RBFOX1: variants seen among roughly 807,000 people sequenced by gnomAD.
RBFOX1 encodes RNA binding fox-1 homolog 1.
Under a neutral mutation model 57.7 loss-of-function variants are expected in RBFOX1, and 8 were observed. The ratio of observed to expected loss-of-function variants is 0.14; its 90% CI spans 0.08 to 0.25. The LOEUF is 0.25. Among genes scored for constraint, RBFOX1 ranks in the 10% least tolerant of loss-of-function variants. The probability of loss-of-function intolerance (pLI) is 1.00; values close to 1 mark genes in which losing one functional copy is unlikely to be tolerated. For missense variants in RBFOX1, 611 were observed against 548.5 expected (o/e 1.11, Z -1.14); for synonymous variants, 326 against 222.4 (o/e 1.47, Z -4.15).
intron 3 of RBFOX1, among the ~76,000 whole-genome samples, chr16:6,807,377 T>C (rs772959289): frequency 6.6e-6 from 1 of 152,116 alleles, no homozygotes; most frequent in Non-Finnish European, 1.5e-5. Context: ...TGAGTCCAAG[T>C]TGATTTCTGC....
chr16:5,881,444 C>A (rs956129368), intron 4 of RBFOX1, among the ~76,000 whole-genome samples: 2 of 152,158 alleles, frequency 1.3e-5, no homozygotes, highest in African/African-American at 4.8e-5. Context: ...CTTTGGGAGG[C>A]TGAGGCAGGT....
chr16:5,696,077 T>C (rs981638300), intron 3 of RBFOX1, among the ~76,000 whole-genome samples: 3 of 152,220 alleles, frequency 2.0e-5, no homozygotes, highest in African/African-American at 7.2e-5. Flanking sequence ...GAAATTCTGG[T>C]AGAAAATTAC....
intron 3 of RBFOX1, among the ~76,000 whole-genome samples, chr16:6,982,752 G>C (rs753454296): frequency 6.6e-6 from 1 of 152,164 alleles, no homozygotes; most frequent in Non-Finnish European, 1.5e-5. Flanking sequence ...CAACACTTTG[G>C]GAGGTCGAGG....
rs185478165 is a variant in RBFOX1, at chr16:6,904,481, A to G, written c.-15-147576A>G. Among the ~76,000 whole-genome samples, 413 of 151,876 alleles carry G rather than the reference A, an allele frequency of 2.7e-3. 2 individuals carry two copies. Among genetic ancestry groups the G allele is most frequent in the Middle Eastern group, 0.01 (3 of 294 alleles). ...CTAGGTGTGGTGGTGGGTGCCTGTAATCCCAGCTACTCGGGAGGCCGAGGC... is the reference window on the plus strand; with the variant it reads ...CTAGGTGTGGTGGTGGGTGCCTGTAGTCCCAGCTACTCGGGAGGCCGAGGC... On this transcript the variant is annotated intron_variant, in intron 3 of 15. Coordinates refer to ENST00000550418, the MANE Select transcript of RBFOX1 (RefSeq NM_018723.4).
At chr16:6,184,623 G>A (rs558756190) in intron 1 of RBFOX1, among the ~76,000 whole-genome samples, 34 of 152,194 alleles carry the variant, frequency 2.2e-4, no homozygotes, top group African/African-American at 7.5e-4. Context: ...GCAGTGGTGC[G>A]ATCTCAGTTC....
chr16:6,514,936 A>G (rs1469502877), intron 2 of RBFOX1, among the ~76,000 whole-genome samples: 3 of 152,072 alleles, frequency 2.0e-5, no homozygotes, highest in African/African-American at 7.2e-5. Context: ...GAGGACATGA[A>G]GGAGGAAGAG....
chr16:5,888,028 A>ATTCCTGCAAGACAGCC (rs534043923), intron 4 of RBFOX1, among the ~76,000 whole-genome samples: 35 of 152,316 alleles, frequency 2.3e-4, no homozygotes, highest in African/African-American at 8.4e-4. Flanking sequence ...ATAAGACTGC[A>ATTCCTGCAAGACAGCC]TTCCTGCAAG....
intron 2 of RBFOX1, among the ~76,000 whole-genome samples, chr16:5,579,536 A>C (rs545831468): frequency 3.3e-5 from 5 of 151,032 alleles, no homozygotes; most frequent in Admixed American, 2.6e-4. Flanking sequence ...GGCCTTTAAA[A>C]CCCCCAATCC....
intron 1 of RBFOX1, chr16:6,059,381 A>G (rs1465297104): frequency 2.6e-5 from 4 of 152,162 alleles, no homozygotes; most frequent in African/African-American, 9.7e-5. Flanking sequence ...TATAGAGATG[A>G]CCTAATCAAA....
At chr16:6,655,453 A>T (rs979531293) in intron 3 of RBFOX1, among the ~76,000 whole-genome samples, 1 of 150,670 alleles carries the variant, frequency 6.6e-6, no homozygotes, top group Non-Finnish European at 1.5e-5. Flanking sequence ...TCATATGAGC[A>T]ACAGCGTCCT....
In RBFOX1 at chr16:7,063,483, C is replaced by G. The variant is rs144855653; in HGVS notation, c.27+11385C>G. The stretch of plus-strand genomic sequence containing the variant: ...TTTATAACAAGTGCCATTTCCTCAG[C>G]TCTACCCCAGACCTACTGGATCAGA... On this transcript the variant is annotated intron_variant, in intron 4 of 15. Transcript: ENST00000550418. 5.8e-4 allele frequency among the ~76,000 whole-genome samples: 88 copies of G among 152,282 alleles called. No individual in the cohort carries two copies. The East Asian group carries it at 0.016, about 28-fold the overall frequency.
At chr16:5,494,384 G>T (rs2042933240) in intron 2 of RBFOX1, among the ~76,000 whole-genome samples, 1 of 152,202 alleles carries the variant, frequency 6.6e-6, no homozygotes. Context: ...GAAAGAACGA[G>T]AACACTAAAT....
At chr16:6,663,065 T>A (rs774948795) in intron 3 of RBFOX1, among the ~76,000 whole-genome samples, 9 of 152,150 alleles carry the variant, frequency 5.9e-5, no homozygotes, top group Non-Finnish European at 1.2e-4. Context: ...TCTCCTTGTG[T>A]GCAGGAGGGA....
intron 12 of RBFOX1, among the ~76,000 whole-genome samples, chr16:7,656,421 G>A (rs1474344214): frequency 1.4e-5 from 2 of 145,730 alleles, no homozygotes; most frequent in African/African-American, 5.0e-5. Flanking sequence ...AGCAGAGTGG[G>A]ACCCAGGGCA....
intron 3 of RBFOX1, among the ~76,000 whole-genome samples, chr16:5,638,019 A>G (rs1034480378): frequency 1.3e-5 from 2 of 152,226 alleles, no homozygotes; most frequent in African/African-American, 4.8e-5. Flanking sequence ...TTTGGATAAA[A>G]TGGGCAATCC....
chr16:5,791,012 G>A (rs996583543), intron 3 of RBFOX1, among the ~76,000 whole-genome samples: 3 of 152,098 alleles, frequency 2.0e-5, no homozygotes, highest in African/African-American at 7.2e-5. Flanking sequence ...GGGATTACAG[G>A]TGCATACCAC....
intron 4 of RBFOX1, among the ~76,000 whole-genome samples, chr16:7,125,694 C>CTT (rs879420601): frequency 3.4e-5 from 5 of 146,908 alleles, no homozygotes; most frequent in Non-Finnish European, 7.5e-5. Context: ...AAATTTAACA[C>CTT]TTTTTTTTTT....
chr16:5,444,376 C>G (rs1567519358), intron 1 of RBFOX1, among the ~76,000 whole-genome samples: 1 of 152,198 alleles, frequency 6.6e-6, no homozygotes, highest in Non-Finnish European at 1.5e-5. Flanking sequence ...GGCTGAATTT[C>G]AAGCATGTAA....
chr16:5,589,226 G>T (rs1319105284), intron 2 of RBFOX1, among the ~76,000 whole-genome samples: 2 of 152,168 alleles, frequency 1.3e-5, no homozygotes, highest in African/African-American at 4.8e-5. Context: ...TGGGGCGGTG[G>T]TGGAGGGAAC....
Sources: allele counts gnomAD v4.1 joint callset (sites outside exome capture counted in the v4.1 genomes callset), GRCh38; gene constraint gnomAD v4.1.1; transcripts MANE v1.5; gene names NCBI Gene and HGNC (gene_info 2026-07-23, HGNC 2026-07-21).